Variants in B3GALT5 observed in about 807,000 individuals in gnomAD.
The protein encoded by B3GALT5 is UDP-Gal:betaGlcNAc beta 1,3-galactosyltransferase, polypeptide 5.
For missense variants in B3GALT5, 328 were observed against 396.6 expected, an observed-to-expected ratio of 0.83 and a Z score of 1.47; for synonymous variants, 156 against 158.6, an observed-to-expected ratio of 0.98 and a Z score of 0.12.
chr21:39,663,531 G>T lies in B3GALT5; in HGVS notation c.*2039G>T, dbSNP rs1340388970. On this transcript the variant is annotated 3_prime_UTR_variant, in exon 4 of 4. Transcript: ENST00000684187. ...CTCACCCTGTCACCCAAGCTGGAGC[G>T]TAGTGGCCTGATCTCGCTGCAGCCT... The T allele has an allele frequency of 6.6e-6, 1 of 150,800 alleles. No homozygotes were observed. The highest frequency in any genetic ancestry group is 1.5e-5 in the Non-Finnish European group (1 of 67,864). The allele number at this position is 150,800 out of a possible 1,614,324, so 9.3% of individuals were successfully genotyped here.
chr21:39,617,557 T>C (rs2123681566), intron 1 of B3GALT5, among the ~76,000 whole-genome samples: 1 of 152,268 alleles, frequency 6.6e-6, no homozygotes, highest in Non-Finnish European at 1.5e-5. Flanking sequence ...GAGAACAACA[T>C]GGGGGAACTG....
rs2079601236 is a variant in B3GALT5, at chr21:39,668,793, GT to G, written c.*7303del. ...CCTCGCCAAGTCCCTTGAGTGGCAA[GT>G]TACTTATCTTCTCATTGTCTCCGTT... On this transcript the variant is annotated 3_prime_UTR_variant, in exon 4 of 4. Transcript: ENST00000684187. 6.6e-6 allele frequency: 1 copy of G among 152,256 alleles called. No homozygotes were observed. Among genetic ancestry groups the G allele is most frequent in the African/African-American group, 2.4e-5 (1 of 41,450 alleles). The allele number at this position is 152,256 out of a possible 1,614,324, so 9.4% of individuals were successfully genotyped here.
intron 1 of B3GALT5, among the ~76,000 whole-genome samples, chr21:39,619,602 A>G (rs2079124110): frequency 1.3e-5 from 2 of 151,430 alleles, no homozygotes; most frequent in African/African-American, 2.4e-5. Flanking sequence ...CTTTTAGTCT[A>G]TGTACGAATC....
At chr21:39,639,400 T>TTCCCTTTCTTTCTTTC (rs1339331444) in intron 1 of B3GALT5, among the ~76,000 whole-genome samples, 10 of 57,190 alleles carry the variant, frequency 1.7e-4, no homozygotes, top group African/African-American at 7.4e-4. Context: ...CCTTCTTTCT[T>TTCCCTTTCTTTCTTTC]TTTCTTTCTT....
intron 1 of B3GALT5, among the ~76,000 whole-genome samples, chr21:39,639,819 C>T (rs2079275680): frequency 1.3e-5 from 2 of 152,020 alleles, no homozygotes; most frequent in Non-Finnish European, 2.9e-5. Context: ...GCCCCTGCAT[C>T]CTGTAGCTCT....
intron 3 of B3GALT5, 57 bp downstream of exon 3, chr21:39,659,969 C>G (rs1223378040): frequency 1.1e-6 from 1 of 946,366 alleles, no homozygotes; most frequent in Non-Finnish European, 1.3e-6. Flanking sequence ...CTGAACTTGC[C>G]GAGGATAGCA....
intron 1 of B3GALT5, among the ~76,000 whole-genome samples, chr21:39,618,937 T>C (rs1206012964): frequency 6.6e-6 from 1 of 152,234 alleles, no homozygotes; most frequent in Non-Finnish European, 1.5e-5. Context: ...ACATTTAGGT[T>C]TTTAATCCTC....
chr21:39,619,100 CTATT>C (rs1220886994), intron 1 of B3GALT5, among the ~76,000 whole-genome samples: 1 of 145,688 alleles, frequency 6.9e-6, no homozygotes, highest in Non-Finnish European at 1.5e-5. Context: ...TGTTTTGAGG[CTATT>C]TATTCTATTT....
chr21:39,660,793 G>A lies in B3GALT5; in HGVS notation c.234G>A (p.Gln78=). ...KQLAERMAIR[Q]TWGKERMVKG... ...TGGCTGAGCGCATGGCCATCCGGCA[G>A]ACGTGGGGGAAAGAGAGGATGGTGA... Residue 78 remains glutamine, a synonymous_variant, in exon 4 of 4, where the codon CAG becomes CAA. Transcript: ENST00000684187. 1.9e-6 allele frequency: 3 copies of A among 1,578,016 alleles called. No individual in the cohort carries two copies. The highest frequency in any genetic ancestry group is 2.6e-6 in the Non-Finnish European group (3 of 1,162,536).
rs2079641599 is a variant in B3GALT5 at position 39,672,745 on chromosome 21, ATTTATT to A, written c.*11256_*11261del. 2.6e-5 allele frequency: 4 copies of A among 152,126 alleles called. No individual in the cohort carries two copies. Among genetic ancestry groups the A allele is most frequent in the Admixed American group, 2.6e-4 (4 of 15,272 alleles). The allele number at this position is 152,126 out of a possible 1,614,324, so 9.4% of individuals were successfully genotyped here. A position where few individuals can be genotyped will look rare whatever the true frequency, so the allele number is the denominator to read the frequency against. On this transcript the variant is annotated 3_prime_UTR_variant, in exon 4 of 4. Transcript: ENST00000684187. ...TTGTACCTGGAAAAATATTTTTACA[ATTTATT>A]TTGATTTTATATGTGTAGAAAAATG...
chr21:39,629,261 C>T (rs1054277151), intron 1 of B3GALT5, among the ~76,000 whole-genome samples: 2 of 152,176 alleles, frequency 1.3e-5, no homozygotes, highest in African/African-American at 2.4e-5. Flanking sequence ...GTGATCTGCC[C>T]GCCTCAGCCC....
rs1015995004 is a variant in B3GALT5, at chr21:39,669,246, A to G, written c.*7754A>G. The G allele has an allele frequency of 3.9e-5, 6 of 152,132 alleles. No homozygotes were observed. Among genetic ancestry groups the G allele is most frequent in the Non-Finnish European group, 1.5e-5 (1 of 68,044 alleles). 9.4% of individuals were successfully genotyped at this position (152,132 alleles called of 1,614,324 possible). ...AGGTAAAAGAAGTTGGAGCTGGAAG[A>G]TGCCTTAGAAATTATCTACAGTATT... On this transcript the variant is annotated 3_prime_UTR_variant, in exon 4 of 4. Transcript: ENST00000684187.
chr21:39,651,519 C>G (rs1318305822), intron 2 of B3GALT5, among the ~76,000 whole-genome samples: 1 of 152,170 alleles, frequency 6.6e-6, no homozygotes, highest in Non-Finnish European at 1.5e-5. Context: ...GGAGAAATAC[C>G]CATCATATGG....
At chr21:39,657,663 GTCTGTCTA>G (rs1421382926) in intron 2 of B3GALT5, 10 of 26,612 alleles carry the variant, frequency 3.8e-4, no homozygotes, top group Non-Finnish European at 7.6e-4. Context: ...TCATCTATCT[GTCTGTCTA>G]TCTATCTATC....
At chr21:39,639,251 G>T (rs544140456) in intron 1 of B3GALT5, among the ~76,000 whole-genome samples, 3 of 151,880 alleles carry the variant, frequency 2.0e-5, no homozygotes, top group African/African-American at 7.3e-5. Flanking sequence ...CCAGAATTGT[G>T]ATTCTGTTTC....
At chr21:39,646,167 G>A (rs1330959628) in intron 1 of B3GALT5, among the ~76,000 whole-genome samples, 1 of 152,054 alleles carries the variant, frequency 6.6e-6, no homozygotes, top group African/African-American at 2.4e-5. Context: ...AGCTTTGCCC[G>A]GAAGCTGGTG....
chr21:39,633,056 A>C lies in B3GALT5; in HGVS notation c.-391-13336A>C, dbSNP rs376098733. ...ATTTTTTCCTGACCTGAAGATTTCCATTGGAAAATGATGATTGCACTCTTC... is the reference window on the plus strand; with the variant it reads ...ATTTTTTCCTGACCTGAAGATTTCCCTTGGAAAATGATGATTGCACTCTTC... On this transcript the variant is annotated intron_variant, in intron 1 of 3. Transcript: ENST00000684187. 4.6e-5 allele frequency among the ~76,000 whole-genome samples: 7 copies of C among 152,206 alleles called. No individual in the cohort carries two copies. In the South Asian group the frequency reaches 1.5e-3, roughly 32 times the overall value.
At chr21:39,634,326 A>G (rs866848878) in intron 1 of B3GALT5, among the ~76,000 whole-genome samples, 1 of 152,164 alleles carries the variant, frequency 6.6e-6, no homozygotes, top group African/African-American at 2.4e-5. Flanking sequence ...GGCCTCTCAC[A>G]GCCCACTTGT....
chr21:39,627,103 A>C (rs1569207986), intron 1 of B3GALT5, among the ~76,000 whole-genome samples: 1 of 152,120 alleles, frequency 6.6e-6, no homozygotes, highest in African/African-American at 2.4e-5. Flanking sequence ...TCCTTCCTAA[A>C]GGATTGTCAT....
Sources: gnomAD v4.1 joint callset for allele counts (sites outside exome capture counted in the v4.1 genomes callset) on GRCh38, gnomAD v4.1.1 for gene constraint, MANE v1.5 for transcripts, NCBI Gene and HGNC (gene_info 2026-07-23, HGNC 2026-07-21) for gene names.